Variants in ALDH2 observed in about 807,000 individuals in gnomAD.
ALDH2 encodes the protein aldehyde dehydrogenase 2 family member, also known as aldehyde dehydrogenase, mitochondrial.
In ALDH2, 44 loss-of-function variants were observed where a neutral mutation model predicts 59.6. That is an observed-to-expected ratio of 0.74 (90% CI 0.58 to 0.95). The LOEUF (loss-of-function observed/expected upper bound fraction) is 0.95, where lower values mean the gene tolerates loss of function less well. ALDH2 is among the 40% of genes least tolerant of loss of function. ALDH2 has a pLI of 0.00. For missense variants in ALDH2, 570 were observed against 696.3 expected, an observed-to-expected ratio of 0.82 and a Z score of 2.04; for synonymous variants, 291 against 284.0, an observed-to-expected ratio of 1.02 and a Z score of -0.25.
rs2068439777 is a variant in ALDH2 at position 111,800,186 on chromosome 12, G to A, written c.1406+123G>A. On this transcript the variant is annotated intron_variant, in intron 11 of 12. Coordinates refer to ENST00000261733, the MANE Select transcript of ALDH2 (RefSeq NM_000690.4). ...TGGGCTCAGTTTCTCCTGGGTCAGG[G>A]TGTGATGTCGATTTGAGAGGTCCTG... is the stretch of plus-strand genomic sequence containing the variant. The A allele has an allele frequency of 1.6e-5, 20 of 1,238,980 alleles. No homozygotes were observed. In the South Asian group the frequency reaches 2.9e-4, roughly 18 times the overall value. The allele number at this position is 1,238,980 out of a possible 1,614,324, so 76.7% of individuals were successfully genotyped here. A position where few individuals can be genotyped will look rare whatever the true frequency, so the allele number is the denominator to read the frequency against.
At chr12:111,808,627 C>T (rs774216123) in intron 12 of ALDH2, among the ~76,000 whole-genome samples, 11 of 152,034 alleles carry the variant, frequency 7.2e-5, no homozygotes, top group Non-Finnish European at 1.6e-4. Context: ...ATTGCTTGAA[C>T]CTGGGAGGCA....
intron 9 of ALDH2, among the ~76,000 whole-genome samples, chr12:111,793,278 G>A (rs1377388530): frequency 1.3e-5 from 2 of 151,652 alleles, no homozygotes; most frequent in African/African-American, 2.4e-5. Flanking sequence ...GGAGTGTAGT[G>A]GTGCAATCAT....
intron 1 of ALDH2, among the ~76,000 whole-genome samples, chr12:111,772,307 G>A (rs1286159315): frequency 2.0e-5 from 3 of 152,140 alleles, no homozygotes; most frequent in Non-Finnish European, 4.4e-5. Context: ...GTGACTTTGT[G>A]CTGACTGAAT....
rs995295717 is a variant in ALDH2, at chr12:111,812,030, C to G, written c.*2455C>G. ...ATGACAGGTAAGGTCACGTGGGTCA[C>G]GTGTCCACTGGACAGGGGGCCCTTC... On this transcript the variant is annotated 3_prime_UTR_variant, in exon 13 of 13. Transcript: ENST00000261733. 6.5e-6 allele frequency: 1 copy of G among 154,234 alleles called. No individual in the cohort carries two copies. The highest frequency in any genetic ancestry group is 1.9e-4 in the South Asian group (1 of 5,314). 9.6% of individuals were successfully genotyped at this position (154,234 alleles called of 1,614,324 possible). A position where few individuals can be genotyped will look rare whatever the true frequency, so the allele number is the denominator to read the frequency against.
chr12:111,769,009 G>A (rs1005803419), intron 1 of ALDH2, among the ~76,000 whole-genome samples: 26 of 152,112 alleles, frequency 1.7e-4, no homozygotes, highest in African/African-American at 5.8e-4. Flanking sequence ...AACAGCCATC[G>A]CCCTAGGAAC....
intron 9 of ALDH2, among the ~76,000 whole-genome samples, chr12:111,795,739 C>G: frequency 6.6e-6 from 1 of 151,116 alleles, no homozygotes; most frequent in East Asian, 2.0e-4. Flanking sequence ...TTACAGGCGC[C>G]CACCACCATG....
chr12:111,769,211 A>G lies in ALDH2; in HGVS notation c.114+2115A>G, dbSNP rs560531019. Among the ~76,000 whole-genome samples the G allele has an allele frequency of 3.3e-5, 5 of 152,274 alleles. No homozygotes were observed. In the East Asian group the frequency reaches 5.8e-4, roughly 18 times the overall value. On this transcript the variant is annotated intron_variant, in intron 1 of 12. Coordinates refer to ENST00000261733, the MANE Select transcript of ALDH2 (RefSeq NM_000690.4). ...CTTTATCAGACTTTTTGAGATCATT[A>G]AAGTAACACATGCCCACTGTATAAA...
rs746086528 is a variant in ALDH2 at position 111,799,983 on chromosome 12, C to T, written c.1326C>T (p.Tyr442=). The T allele has an allele frequency of 2.4e-5, 38 of 1,613,864 alleles. No homozygotes were observed. Among genetic ancestry groups the T allele is most frequent in the East Asian group, 6.7e-5 (3 of 44,898 alleles). Residue 442 remains tyrosine (Y), a synonymous_variant, in exon 11 of 13, where the codon TAC becomes TAT. Coordinates refer to ENST00000261733, the MANE Select transcript of ALDH2 (RefSeq NM_000690.4). ...EVVGRANNST[Y]GLAAAVFTKD... is the part of the protein sequence containing the mutation. ...TTGGGAGAGCCAACAATTCCACGTA[C>T]GGGCTGGCCGCAGCTGTCTTCACAA...
rs1414093989 is a variant in ALDH2, at chr12:111,767,053, C to T, written c.71C>T (p.Ala24Val). ...RRLLSAAATQ[A>V]VPAPNQQPEV... ...CTCTTGTCAGCCGCCGCCACCCAGG[C>T]CGTGCCTGCCCCCAACCAGCAGCCC... The change falls in exon 1 of 13, where the codon GCC becomes GTC. Residue 24 changes from alanine (A) to valine (V), a missense_variant. Ala to Val is a moderately conservative substitution (Grantham distance 64). Coordinates refer to ENST00000261733, the MANE Select transcript of ALDH2 (RefSeq NM_000690.4). 9 of 1,529,232 alleles carry T rather than the reference C, an allele frequency of 5.9e-6. No homozygotes were observed. Among genetic ancestry groups the T allele is most frequent in the Admixed American group, 2.0e-5 (1 of 50,466 alleles). The allele number at this position is 1,529,232 out of a possible 1,614,324, so 94.7% of individuals were successfully genotyped here. A position where few individuals can be genotyped will look rare whatever the true frequency, so the allele number is the denominator to read the frequency against.
intron 11 of ALDH2, among the ~76,000 whole-genome samples, chr12:111,801,294 AATTGTGGGAG>A (rs2068449506): frequency 6.6e-6 from 1 of 152,210 alleles, no homozygotes; most frequent in Non-Finnish European, 1.5e-5. Flanking sequence ...AACACGTGGG[AATTGTGGGAG>A]CTACAATTCA....
intron 9 of ALDH2, among the ~76,000 whole-genome samples, chr12:111,793,044 A>T (rs948585386): frequency 1.3e-5 from 2 of 152,120 alleles, no homozygotes; most frequent in East Asian, 3.9e-4. Context: ...AACAAATACC[A>T]GGAGTGTCTG....
At chr12:111,797,341 C>T (rs1014555835) in intron 9 of ALDH2, among the ~76,000 whole-genome samples, 3 of 152,134 alleles carry the variant, frequency 2.0e-5, no homozygotes, top group African/African-American at 7.2e-5. Flanking sequence ...TAATTTTAAC[C>T]AACCCCTCTA....
At chr12:111,788,150 C>T (rs2068326559) in intron 4 of ALDH2, among the ~76,000 whole-genome samples, 1 of 152,014 alleles carries the variant, frequency 6.6e-6, no homozygotes, top group Admixed American at 6.6e-5. Context: ...GCGGAGGTTG[C>T]AGTGAGCTGA....
Position 111,767,082 on chromosome 12 carries a change from G to C in ALDH2, c.100G>C (p.Val34Leu). Residue 34 changes from valine to leucine, a missense_variant, in exon 1 of 13, where the codon GTC (valine) becomes CTC (leucine). Coordinates refer to ENST00000261733, the MANE Select transcript of ALDH2 (RefSeq NM_000690.4). The part of the protein sequence containing the change: ...AVPAPNQQPE[V>L]FCNQIFINNE... Reference sequence around the variant, plus strand: ...GCCTGCCCCCAACCAGCAGCCCGAGGTCTTCTGCAACCAGGTGAGCCCACC... The same window carrying C: ...GCCTGCCCCCAACCAGCAGCCCGAGCTCTTCTGCAACCAGGTGAGCCCACC... 1 of 1,518,056 alleles carries C rather than the reference G, an allele frequency of 6.6e-7. No homozygotes were observed. Among genetic ancestry groups the C allele is most frequent in the Non-Finnish European group, 8.8e-7 (1 of 1,139,408 alleles). The allele number at this position is 1,518,056 out of a possible 1,614,324, so 94.0% of individuals were successfully genotyped here.
chr12:111,778,765 T>C (rs2068251413), intron 1 of ALDH2, among the ~76,000 whole-genome samples: 1 of 148,778 alleles, frequency 6.7e-6, no homozygotes, highest in African/African-American at 2.5e-5. Flanking sequence ...ACCTGGGAGG[T>C]TGGAGTGCAG....
rs530747791 is a variant in ALDH2, at chr12:111,816,451, G to A, written c.*6876G>A. On this transcript the variant is annotated 3_prime_UTR_variant, in exon 13 of 13. Transcript: ENST00000261733. ...CTCAAAGAGCATGGCGCCAGGGAGTGATTGCCCTCAGCGAACCTTCTGGCG... is the reference window on the plus strand; with the variant it reads ...CTCAAAGAGCATGGCGCCAGGGAGTAATTGCCCTCAGCGAACCTTCTGGCG... 2.6e-5 allele frequency: 4 copies of A among 152,298 alleles called. No homozygotes were observed. The highest frequency in any genetic ancestry group is 9.6e-5 in the African/African-American group (4 of 41,564). The allele number at this position is 152,298 out of a possible 1,614,324, so 9.4% of individuals were successfully genotyped here. A position where few individuals can be genotyped will look rare whatever the true frequency, so the allele number is the denominator to read the frequency against.
chr12:111,772,174 A>G (rs1334088763), intron 1 of ALDH2, among the ~76,000 whole-genome samples: 4 of 152,092 alleles, frequency 2.6e-5, no homozygotes, highest in Non-Finnish European at 1.5e-5. Context: ...AAAAAATATA[A>G]TGGTCCCCTG....
chr12:111,807,875 A>AT (rs35239056), intron 12 of ALDH2, among the ~76,000 whole-genome samples: 1,619 of 139,200 alleles, frequency 0.012, 10 homozygotes, highest in Non-Finnish European at 0.016. Context: ...AGGTGGCTCA[A>AT]TTTTTTTTTT....
chr12:111,772,725 G>A (rs535558280), intron 1 of ALDH2, among the ~76,000 whole-genome samples: 21 of 148,730 alleles, frequency 1.4e-4, no homozygotes, highest in African/African-American at 5.2e-4. Context: ...CCAGGCTGGA[G>A]TGCAATGGCA....
Sources: allele counts gnomAD v4.1 joint callset (sites outside exome capture counted in the v4.1 genomes callset), GRCh38; gene constraint gnomAD v4.1.1; transcripts MANE v1.5; gene names NCBI Gene and HGNC (gene_info 2026-07-23, HGNC 2026-07-21).